Variants in NUP210L observed in about 807,000 individuals in gnomAD.
The protein encoded by NUP210L is nucleoporin 210 like.
A neutral mutation model predicts 208.5 loss-of-function variants in NUP210L; 74 were observed. The ratio of observed to expected loss-of-function variants is 0.35; its 90% confidence interval spans 0.29 to 0.43. NUP210L has a LOEUF of 0.43. Ranked by LOEUF, NUP210L falls within the 20% of genes least tolerant of loss-of-function variation. The probability of loss-of-function intolerance (pLI) is 1.00; values close to 1 mark genes in which losing one functional copy is unlikely to be tolerated. For synonymous variants in NUP210L, 780 were observed against 816.9 expected, an observed-to-expected ratio of 0.95 and a Z score of 0.77; for missense variants, 1,843 against 2,289.4, an observed-to-expected ratio of 0.81 and a Z score of 3.98.
chr1:154,051,743 G>A (rs1653513133), intron 25 of NUP210L, among the ~76,000 whole-genome samples: 2 of 152,230 alleles, frequency 1.3e-5, no homozygotes, highest in Admixed American at 6.5e-5. Context: ...GTACATGTAT[G>A]TGTGGACACC....
At chr1:154,050,664 G>C (rs1653439261) in intron 25 of NUP210L, among the ~76,000 whole-genome samples, 1 of 152,104 alleles carries the variant, frequency 6.6e-6, no homozygotes, top group Non-Finnish European at 1.5e-5. Context: ...AATACAGCAA[G>C]CTTTTATAAA....
chr1:154,072,711 A>T (rs547546491), intron 16 of NUP210L, among the ~76,000 whole-genome samples: 1 of 152,184 alleles, frequency 6.6e-6, no homozygotes, highest in Non-Finnish European at 1.5e-5. Flanking sequence ...GATAACTGGC[A>T]AGCCACATGT....
intron 16 of NUP210L, among the ~76,000 whole-genome samples, chr1:154,087,986 G>A (rs1001677842): frequency 6.6e-6 from 1 of 152,176 alleles, no homozygotes; most frequent in African/African-American, 2.4e-5. Context: ...CGGAGAAAAT[G>A]AAAATGACCT....
At chr1:154,129,441 G>A in intron 7 of NUP210L, 96 bp from the exon 8 acceptor site, 1 of 782,142 alleles carries the variant, frequency 1.3e-6, no homozygotes, top group African/African-American at 1.7e-5. Context: ...ATGCACAAAT[G>A]AAAACAAACA....
At chr1:154,131,140 C>T (rs1658229851) in intron 7 of NUP210L, among the ~76,000 whole-genome samples, 1 of 151,496 alleles carries the variant, frequency 6.6e-6, no homozygotes, top group Non-Finnish European at 1.5e-5. Flanking sequence ...GGCGTGGTGG[C>T]AGGCGCCTGT....
intron 16 of NUP210L, 107 bp from the exon 17 acceptor site, chr1:154,070,572 C>A: frequency 1.3e-6 from 1 of 785,796 alleles, no homozygotes. Flanking sequence ...AATATTTTTA[C>A]CTTAAAAATT....
At position 154,069,967 on chromosome 1, in the gene NUP210L, C is replaced by T. The variant is rs1319548409; in HGVS notation, c.2554+306G>A. Among the ~76,000 whole-genome samples the T allele has an allele frequency of 6.6e-5, 10 of 152,172 alleles. No homozygotes were observed. In the South Asian group the frequency reaches 8.3e-4, roughly 13 times the overall value. ...ATCACAAGGACAGAAAACCAAACAC[C>T]GCACGTTCTCTCTCAGAGGTGGGAA... On this transcript the variant is annotated intron_variant, in intron 17 of 39. Transcript: ENST00000368559.
chr1:154,008,580 G>A (rs1428135071), intron 35 of NUP210L, among the ~76,000 whole-genome samples: 6 of 152,188 alleles, frequency 3.9e-5, no homozygotes, highest in Admixed American at 3.3e-4. Flanking sequence ...GGTGACACGC[G>A]CCTGTAATCC....
exon 11 of NUP210L, chr1:154,118,749 A>G (rs1164471996): frequency 1.3e-6 from 2 of 1,595,358 alleles, no homozygotes; most frequent in Non-Finnish European, 1.7e-6. Flanking sequence ...TGATGGGAAA[A>G]TAAATCTTCA....
At chr1:154,124,178 C>T (rs1657763294) in intron 10 of NUP210L, among the ~76,000 whole-genome samples, 1 of 131,516 alleles carries the variant, frequency 7.6e-6, no homozygotes, top group Admixed American at 8.1e-5. Flanking sequence ...CAGAGTGAGA[C>T]TCCATCTCAA....
rs746505953 is a variant in NUP210L at position 154,001,989 on chromosome 1, GA to G, written c.4931-5del. On this transcript the variant is annotated splice_polypyrimidine_tract_variant and splice_region_variant and intron_variant, in intron 35 of 39. Coordinates refer to ENST00000368559, the Ensembl canonical transcript of NUP210L. ...TTGATTATGCAGACATAAACCCCTG[GA>G]AAAAAAAGAGGAAAAACTGAGCAGG... is the stretch of plus-strand genomic sequence containing the variant. 4.4e-6 allele frequency: 7 copies of G among 1,605,780 alleles called. No homozygotes were observed. The highest frequency in any genetic ancestry group is 1.7e-5 in the Admixed American group (1 of 58,010).
intron 37 of NUP210L, chr1:153,995,538 T>C: frequency 4.7e-6 from 3 of 641,950 alleles, no homozygotes; most frequent in Non-Finnish European, 8.6e-6. Context: ...TTTCTTCCTC[T>C]TAGATTTCAA....
chr1:154,003,896 T>C (rs1445506702), intron 35 of NUP210L, among the ~76,000 whole-genome samples: 1 of 152,210 alleles, frequency 6.6e-6, no homozygotes, highest in Non-Finnish European at 1.5e-5. Flanking sequence ...AGTATTTCTC[T>C]ATTAGTCTGG....
At chr1:154,113,130 C>T (rs73010800) in intron 12 of NUP210L, among the ~76,000 whole-genome samples, 22,227 of 146,438 alleles carry the variant, frequency 0.15, 2,774 homozygotes, top group African/African-American at 0.33. Context: ...GCACTCCAGC[C>T]GGGGTGATGG....
intron 25 of NUP210L, among the ~76,000 whole-genome samples, chr1:154,047,292 T>A (rs1014379703): frequency 2.0e-5 from 3 of 152,108 alleles, no homozygotes. Context: ...ATGCTTGAGG[T>A]GGTGGATACC....
At chr1:154,004,371 C>CT (rs1165577604) in intron 35 of NUP210L, among the ~76,000 whole-genome samples, 5 of 140,594 alleles carry the variant, frequency 3.6e-5, no homozygotes, top group Non-Finnish European at 6.3e-5. Context: ...GCCCGGCCTT[C>CT]TTTTTTTTTC....
At chr1:154,074,486 CG>C (rs1654933929) in intron 16 of NUP210L, among the ~76,000 whole-genome samples, 2 of 146,158 alleles carry the variant, frequency 1.4e-5, no homozygotes, top group Admixed American at 7.3e-5. Flanking sequence ...TATGGGATCA[CG>C]ATTTTTTTTT....
At chr1:154,146,561 G>A (rs1659118348) in intron 2 of NUP210L, among the ~76,000 whole-genome samples, 1 of 151,420 alleles carries the variant, frequency 6.6e-6, no homozygotes, top group African/African-American at 2.4e-5. Flanking sequence ...GAGCCTGGGT[G>A]GTCAAGGCTG....
At chr1:154,137,749 G>C (rs1658623713) in intron 6 of NUP210L, among the ~76,000 whole-genome samples, 1 of 152,012 alleles carries the variant, frequency 6.6e-6, no homozygotes, top group Non-Finnish European at 1.5e-5. Context: ...ATAAAGATAT[G>C]GGGATCTTGC....
Sources: gnomAD v4.1 joint callset for allele counts (sites outside exome capture counted in the v4.1 genomes callset) on GRCh38, gnomAD v4.1.1 for gene constraint, MANE v1.5 for transcripts, NCBI Gene and HGNC (gene_info 2026-07-23, HGNC 2026-07-21) for gene names.